CSNK1D: variants seen among roughly 807,000 people sequenced by gnomAD.
CSNK1D encodes the protein casein kinase 1 delta, also known as casein kinase I isoform delta.
CSNK1D carries 16 observed loss-of-function variants against 46.6 expected under a neutral mutation model. The observed-to-expected ratio is 0.34, with a 90% CI of 0.23 to 0.52. The LOEUF is 0.52. Ranked by LOEUF, CSNK1D falls within the 20% of genes least tolerant of loss-of-function variation. The pLI, the probability that CSNK1D is intolerant of heterozygous loss-of-function variation, is 0.95. For missense variants in CSNK1D, 398 were observed against 578.4 expected, an observed-to-expected ratio of 0.69 and a Z score of 3.20; for synonymous variants, 276 against 228.2, an observed-to-expected ratio of 1.21 and a Z score of -1.89.
chr17:82,269,157 C>CCCTGT (rs1568587020), intron 1 of CSNK1D, among the ~76,000 whole-genome samples: 1 of 150,740 alleles, frequency 6.6e-6, no homozygotes, highest in Non-Finnish European at 1.5e-5. Flanking sequence ...CAGAGTGTGG[C>CCCTGT]CCTGTCCTGG....
rs1007856425 is a variant in CSNK1D at position 82,269,097 on chromosome 17, A to T, written c.77-3301T>A. On this transcript the variant is annotated intron_variant, in intron 1 of 8. Transcript: ENST00000314028. ...AGGCAACAGAATGATACTTTGTCTT[A>T]AAAAAAAAAAAAAAAAAAAAAAGCA... is the stretch of plus-strand genomic sequence containing the variant. Among the ~76,000 whole-genome samples the T allele has an allele frequency of 1.2e-4, 13 of 109,888 alleles. No individual in the cohort carries two copies. In the East Asian group the frequency reaches 2.1e-3, roughly 18 times the overall value. 72.1% of individuals were successfully genotyped at this position (109,888 alleles called of 152,430 possible).
chr17:82,242,512 AGG>A (rs1281350386), downstream of CSNK1D: 1 of 318,568 alleles, frequency 3.1e-6, no homozygotes, highest in African/African-American at 1.2e-4. Context: ...CAGCAGGCCC[AGG>A]GGGCAGCTCT....
chr17:82,252,690 C>G lies in CSNK1D; in HGVS notation c.566-86G>C. 7.3e-7 allele frequency: 1 copy of G among 1,377,564 alleles called. No homozygotes were observed. The highest frequency in any genetic ancestry group is 1.0e-6 in the Non-Finnish European group (1 of 997,246). The allele number at this position is 1,377,564 out of a possible 1,614,324, so 85.3% of individuals were successfully genotyped here. A position where few individuals can be genotyped will look rare whatever the true frequency, so the allele number is the denominator to read the frequency against. On this transcript the variant is annotated intron_variant, in intron 4 of 8. Coordinates refer to ENST00000314028, the MANE Select transcript of CSNK1D (RefSeq NM_001893.6). The surrounding 1 kb of genome is among the most constrained non-coding windows in gnomAD (Gnocchi z 4.6). Reference sequence around the variant, plus strand: ...ACCCGGCTGGCCGTTCCAGTGGAGACTAGCCTCAGACACACATGCCCAGAT... The same window carrying G: ...ACCCGGCTGGCCGTTCCAGTGGAGAGTAGCCTCAGACACACATGCCCAGAT...
rs1433781471 is a variant in CSNK1D, at chr17:82,273,576, G to GCGC, written c.-198_-196dup. ...ATACGGGGCGGATGGGACAGTCCGA[G>GCGC]CGCCGCCGCCGCTGCTCCGGCCCCT... is the stretch of plus-strand genomic sequence containing the variant. On this transcript the variant is annotated 5_prime_UTR_variant, in exon 1 of 9. Transcript: ENST00000314028. The surrounding 1 kb of genome is among the most constrained non-coding windows in gnomAD (Gnocchi z 5.1). The GCGC allele has an allele frequency of 4.7e-6, 3 of 639,116 alleles. No individual in the cohort carries two copies. The highest frequency in any genetic ancestry group is 3.9e-5 in the African/African-American group (2 of 51,372). The allele number at this position is 639,116 out of a possible 1,614,324, so 39.6% of individuals were successfully genotyped here.
rs1438404199 is a variant in CSNK1D at position 82,252,147 on chromosome 17, T to C, written c.736+287A>G. ...GAGAGGCCCCACCACTGCCTGTCCA[T>C]CCCTTTCCAGCCACTTGGGGCCCTG... On this transcript the variant is annotated intron_variant, in intron 5 of 8. Transcript: ENST00000314028. The surrounding 1 kb of genome is among the most constrained non-coding windows in gnomAD (Gnocchi z 4.6). Among the ~76,000 whole-genome samples the C allele has an allele frequency of 6.6e-6, 1 of 152,198 alleles. No homozygotes were observed. The highest frequency in any genetic ancestry group is 2.4e-5 in the African/African-American group (1 of 41,442).
At chr17:82,245,428 A>G (rs2050826048) in intron 8 of CSNK1D, 2 of 211,848 alleles carry the variant, frequency 9.4e-6, no homozygotes, top group Non-Finnish European at 1.9e-5. Context: ...GGCAGAGACC[A>G]AGTGTGAAAA....
At position 82,255,321 on chromosome 17, in the gene CSNK1D, C is replaced by T; in HGVS notation, c.336+108G>A. The T allele has an allele frequency of 7.2e-7, 1 of 1,382,238 alleles. No individual in the cohort carries two copies. Among genetic ancestry groups the T allele is most frequent in the South Asian group, 1.2e-5 (1 of 84,846 alleles). The allele number at this position is 1,382,238 out of a possible 1,614,324, so 85.6% of individuals were successfully genotyped here. On this transcript the variant is annotated intron_variant, in intron 3 of 8. Transcript: ENST00000314028. This position sits in a 1 kb window ranked among gnomAD's most constrained non-coding sequence, Gnocchi z 5.9. ...TCAAGGCTGAGGCTCAGCAAATTTC[C>T]ATTTCCTCTGTGAATTAATGGCCAT...
intron 2 of CSNK1D, among the ~76,000 whole-genome samples, chr17:82,262,903 G>A (rs1458829146): frequency 2.0e-5 from 3 of 152,226 alleles, no homozygotes; most frequent in Non-Finnish European, 2.9e-5. Context: ...GTATCTGACG[G>A]GCGCGATGGC....
chr17:82,239,742 C>T (rs1048745638), downstream of CSNK1D: 5 of 388,376 alleles, frequency 1.3e-5, no homozygotes, highest in Non-Finnish European at 2.3e-5. Flanking sequence ...GAACAAGCCA[C>T]TTTATTCACT....
Position 82,250,495 on chromosome 17 carries a change from C to T in CSNK1D, c.885+884G>A. 1 of 287,408 alleles carries T rather than the reference C, an allele frequency of 3.5e-6. No homozygotes were observed. Among genetic ancestry groups the T allele is most frequent in the Non-Finnish European group, 7.0e-6 (1 of 142,708 alleles). 17.8% of individuals were successfully genotyped at this position (287,408 alleles called of 1,614,324 possible). On this transcript the variant is annotated intron_variant, in intron 6 of 8. Coordinates refer to ENST00000314028, the MANE Select transcript of CSNK1D (RefSeq NM_001893.6). The surrounding 1 kb of genome is among the most constrained non-coding windows in gnomAD (Gnocchi z 4.6). ...AGCCCCGGCAGAGGGACTGATCTGC[C>T]CTGCCGAGTGCACCCCTCCCGGCAC... is the stretch of plus-strand genomic sequence containing the variant.
chr17:82,245,221 G>C, intron 8 of CSNK1D: 1 of 384,094 alleles, frequency 2.6e-6, no homozygotes, highest in South Asian at 2.4e-5. Flanking sequence ...AGTGTGCACA[G>C]TGTGAAAACT....
intron 2 of CSNK1D, among the ~76,000 whole-genome samples, chr17:82,256,144 G>A (rs1474629113): frequency 3.3e-5 from 5 of 152,184 alleles, no homozygotes; most frequent in Admixed American, 3.3e-4. Flanking sequence ...TGAAAATAAA[G>A]ACACAATAAA....
At position 82,244,837 on chromosome 17, in the gene CSNK1D, G is replaced by A. The variant is rs369933773; in HGVS notation, c.1198-6C>T. The A allele has an allele frequency of 3.3e-5, 53 of 1,613,718 alleles. No individual in the cohort carries two copies. Among genetic ancestry groups the A allele is most frequent in the African/African-American group, 1.7e-4 (13 of 75,066 alleles). Reference sequence around the variant, plus strand: ...GAAGCCACCCGACCAGGAATCTGTCGGAGCCAAAGCACAGGAGAAGGTCAG... The same window carrying A: ...GAAGCCACCCGACCAGGAATCTGTCAGAGCCAAAGCACAGGAGAAGGTCAG... On this transcript the variant is annotated splice_polypyrimidine_tract_variant and splice_region_variant and intron_variant, in intron 8 of 8. Coordinates refer to ENST00000314028, the MANE Select transcript of CSNK1D (RefSeq NM_001893.6).
intron 1 of CSNK1D, 95 bp from the exon 2 acceptor site, chr17:82,265,891 G>A: frequency 9.8e-7 from 1 of 1,016,318 alleles, no homozygotes; most frequent in Non-Finnish European, 1.6e-6. Flanking sequence ...TGTTTTCCAT[G>A]AAGGACCAAG....
At chr17:82,246,801 C>T in intron 8 of CSNK1D, 4 of 987,172 alleles carry the variant, frequency 4.1e-6, no homozygotes, top group Non-Finnish European at 4.8e-6. Flanking sequence ...GCAGAAAGAA[C>T]AGGGAAGAGC....
chr17:82,263,217 C>A (rs969933617), intron 2 of CSNK1D, among the ~76,000 whole-genome samples: 30 of 152,102 alleles, frequency 2.0e-4, no homozygotes, highest in African/African-American at 4.8e-4. Context: ...AAACAAAAAC[C>A]AAAACCTTGA....
In CSNK1D at chr17:82,251,000, C is replaced by T. The variant is rs1358358942; in HGVS notation, c.885+379G>A. 6 of 338,540 alleles carry T rather than the reference C, an allele frequency of 1.8e-5. No homozygotes were observed. The highest frequency in any genetic ancestry group is 2.9e-5 in the Non-Finnish European group (5 of 174,922). 21.0% of individuals were successfully genotyped at this position (338,540 alleles called of 1,614,324 possible). A position where few individuals can be genotyped will look rare whatever the true frequency, so the allele number is the denominator to read the frequency against. On this transcript the variant is annotated intron_variant, in intron 6 of 8. Transcript: ENST00000314028. This position sits in a 1 kb window ranked among gnomAD's most constrained non-coding sequence, Gnocchi z 4.6. ...CGGGTAGCACCTCACCAGGCCCCAA[C>T]CCCACTCATCTCGTGGGCACCACGA...
At chr17:82,262,506 C>T (rs1262936838) in intron 2 of CSNK1D, among the ~76,000 whole-genome samples, 2 of 152,218 alleles carry the variant, frequency 1.3e-5, no homozygotes, top group African/African-American at 4.8e-5. Context: ...ATCCATCAAG[C>T]AAACGTAAAG....
chr17:82,260,427 A>G (rs1238706244), intron 2 of CSNK1D, among the ~76,000 whole-genome samples: 1 of 147,298 alleles, frequency 6.8e-6, no homozygotes, highest in Non-Finnish European at 1.5e-5. Flanking sequence ...CTGATGGTGT[A>G]CTGAGTGATG....
Sources: gnomAD v4.1 joint callset for allele counts (sites outside exome capture counted in the v4.1 genomes callset) on GRCh38, gnomAD v4.1.1 for gene constraint, Gnocchi (gnomAD v3.1) non-coding constraint, MANE v1.5 for transcripts, NCBI Gene and HGNC (gene_info 2026-07-23, HGNC 2026-07-21) for gene names.